PNPT1: variants seen among roughly 807,000 people sequenced by gnomAD.
PNPT1 encodes the protein polyribonucleotide nucleotidyltransferase 1, also known as polyribonucleotide nucleotidyltransferase 1, mitochondrial.
Under a neutral mutation model 119.5 loss-of-function variants are expected in PNPT1, and 53 were observed. That is an observed-to-expected ratio of 0.44 (90% CI 0.36 to 0.56). The LOEUF (loss-of-function observed/expected upper bound fraction) is 0.56, where lower values mean the gene tolerates loss of function less well. Among genes scored for constraint, PNPT1 ranks in the 20% least tolerant of loss-of-function variants. The probability of loss-of-function intolerance (pLI) is 0.00; values close to 1 mark genes in which losing one functional copy is unlikely to be tolerated. For missense variants in PNPT1, 948 were observed against 938.5 expected, an observed-to-expected ratio of 1.01 and a Z score of -0.13; for synonymous variants, 357 against 322.1, an observed-to-expected ratio of 1.11 and a Z score of -1.16.
At chr2:55,670,369 G>C (rs1328457219) in intron 11 of PNPT1, among the ~76,000 whole-genome samples, 1 of 151,840 alleles carries the variant, frequency 6.6e-6, no homozygotes. Context: ...TGTATTTTTA[G>C]TAGAGACAGG....
Position 55,636,187 on chromosome 2 carries a change from A to T in PNPT1, c.*50T>A. On this transcript the variant is annotated 3_prime_UTR_variant, in exon 28 of 28. Transcript: ENST00000447944. ...TACTACTAAAATGTTGCTCTACAGC[A>T]CATCACCCTAGACAAAATAGAATTC... is the stretch of plus-strand genomic sequence containing the variant. 1 of 1,447,370 alleles carries T rather than the reference A, an allele frequency of 6.9e-7. No homozygotes were observed. Among genetic ancestry groups the T allele is most frequent in the Non-Finnish European group, 9.5e-7 (1 of 1,050,088 alleles). 89.7% of individuals were successfully genotyped at this position (1,447,370 alleles called of 1,614,324 possible).
intron 11 of PNPT1, among the ~76,000 whole-genome samples, 159 bp downstream of exon 11, chr2:55,671,160 G>A (rs753346765): frequency 6.6e-6 from 1 of 152,150 alleles, no homozygotes; most frequent in Non-Finnish European, 1.5e-5. Context: ...TAGGTCTAGG[G>A]AACAGCAGCT....
At chr2:55,693,461 CAG>C (rs1697686742) in intron 1 of PNPT1, among the ~76,000 whole-genome samples, 200 bp downstream of exon 1, 1 of 152,154 alleles carries the variant, frequency 6.6e-6, no homozygotes, top group South Asian at 2.1e-4. Flanking sequence ...CACACACCAA[CAG>C]AGAGAACGAC....
At chr2:55,681,632 G>A (rs1172647512) in intron 5 of PNPT1, among the ~76,000 whole-genome samples, 1 of 151,432 alleles carries the variant, frequency 6.6e-6, no homozygotes, top group Non-Finnish European at 1.5e-5. Flanking sequence ...ATCACTTGAG[G>A]TCGGGAGTTC....
intron 1 of PNPT1, among the ~76,000 whole-genome samples, chr2:55,688,177 G>C (rs1474577279): frequency 1.3e-5 from 2 of 151,902 alleles, no homozygotes; most frequent in Admixed American, 1.3e-4. Context: ...TGAGTAGTTG[G>C]GACTACATGT....
chr2:55,691,878 A>ATT (rs1227966046), intron 1 of PNPT1, among the ~76,000 whole-genome samples: 42 of 33,124 alleles, frequency 1.3e-3, no homozygotes, highest in East Asian at 0.011. Context: ...ATATATATAT[A>ATT]TTTTTTTTTT....
chr2:55,693,014 G>C (rs1352901310), intron 1 of PNPT1, among the ~76,000 whole-genome samples: 2 of 151,580 alleles, frequency 1.3e-5, no homozygotes, highest in East Asian at 1.9e-4. Context: ...TTTTTTTGCT[G>C]TCTCTTTCTG....
chr2:55,645,021 A>ATT, intron 22 of PNPT1: 3 of 285,136 alleles, frequency 1.1e-5, no homozygotes, highest in Admixed American at 4.8e-5. Flanking sequence ...TGATCACTAA[A>ATT]ATTTTTTTTT....
At chr2:55,683,242 C>G (rs1697302120) in intron 5 of PNPT1, among the ~76,000 whole-genome samples, 1 of 152,206 alleles carries the variant, frequency 6.6e-6, no homozygotes, top group African/African-American at 2.4e-5. Flanking sequence ...GCTTCCCTGA[C>G]ACACCTTGGT....
At chr2:55,669,871 G>A (rs193137538) in intron 11 of PNPT1, among the ~76,000 whole-genome samples, 508 of 150,786 alleles carry the variant, frequency 3.4e-3, no homozygotes, top group African/African-American at 0.012. Flanking sequence ...TGATTCTCAT[G>A]CCTCAGCCTC....
At position 55,651,081 on chromosome 2, in the gene PNPT1, A is replaced by G. The variant is rs1339138309; in HGVS notation, c.1496-3628T>C. ...CGTCCAGGAGGGAGGTGGGGGGGTCAGCCCCCCCGCCCAGCCAGCCGCCCC... is the reference window on the plus strand; with the variant it reads ...CGTCCAGGAGGGAGGTGGGGGGGTCGGCCCCCCCGCCCAGCCAGCCGCCCC... On this transcript the variant is annotated intron_variant, in intron 18 of 27. Coordinates refer to ENST00000447944, the MANE Select transcript of PNPT1 (RefSeq NM_033109.5). Among the ~76,000 whole-genome samples the G allele has an allele frequency of 3.6e-5, 5 of 138,080 alleles. 1 individual carries two copies. The highest frequency in any genetic ancestry group is 5.5e-5 in the African/African-American group (2 of 36,574). The allele number at this position is 138,080 out of a possible 152,430, so 90.6% of individuals were successfully genotyped here.
intron 5 of PNPT1, among the ~76,000 whole-genome samples, chr2:55,682,856 G>C (rs782615): frequency 0.94 from 142,398 of 152,252 alleles, 67,170 homozygotes; most frequent in African/African-American, 0.98. Flanking sequence ...CTGCAGTGAG[G>C]CATAATCATG....
intron 5 of PNPT1, among the ~76,000 whole-genome samples, chr2:55,681,701 C>T (rs1199604061): frequency 1.3e-5 from 2 of 151,786 alleles, no homozygotes; most frequent in Non-Finnish European, 2.9e-5. Flanking sequence ...AAAAATTAGC[C>T]GTGCGTGGTA....
intron 27 of PNPT1, 40 bp from the exon 28 acceptor site, chr2:55,636,432 C>G (rs1695676642): frequency 6.3e-7 from 1 of 1,591,192 alleles, no homozygotes; most frequent in African/African-American, 1.3e-5. Flanking sequence ...AGTTACAGCA[C>G]ATTGAGTGAC....
At chr2:55,675,470 AC>A (rs1475004179) in intron 8 of PNPT1, among the ~76,000 whole-genome samples, 1 of 151,808 alleles carries the variant, frequency 6.6e-6, no homozygotes, top group Admixed American at 6.6e-5. Context: ...AAAAATGGAT[AC>A]CCCCCAAATA....
At chr2:55,667,681 A>G (rs1013762249) in intron 12 of PNPT1, among the ~76,000 whole-genome samples, 181 bp downstream of exon 12, 1 of 152,190 alleles carries the variant, frequency 6.6e-6, no homozygotes, top group Non-Finnish European at 1.5e-5. Context: ...CACCAGGCCC[A>G]AGACAGATGG....
chr2:55,643,347 T>C lies in PNPT1; in HGVS notation c.1985A>G (p.Asp662Gly). ...PTPSAMHEAR[D>G]FITEICKDDQ... is the part of the protein sequence containing the mutation. ...ATCCTTGCAGATTTCAGTAATGAAGTCTCTTGCCTCATGCATAGCACTGGG... is the reference window on the plus strand; with the variant it reads ...ATCCTTGCAGATTTCAGTAATGAAGCCTCTTGCCTCATGCATAGCACTGGG... The change falls in exon 24 of 28, where the codon GAC (aspartate) becomes GGC (glycine). Residue 662 changes from aspartate to glycine, a missense_variant. Asp to Gly is a moderately conservative substitution (Grantham distance 94). Transcript: ENST00000447944. 1 of 1,614,192 alleles carries C rather than the reference T, an allele frequency of 6.2e-7. No homozygotes were observed. The highest frequency in any genetic ancestry group is 8.5e-7 in the Non-Finnish European group (1 of 1,180,024).
At chr2:55,650,749 G>C (rs997616487) in intron 18 of PNPT1, among the ~76,000 whole-genome samples, 3 of 148,814 alleles carry the variant, frequency 2.0e-5, no homozygotes, top group South Asian at 2.1e-4. Context: ...CCCTCCGCCC[G>C]GCAACCGCCC....
intron 11 of PNPT1, among the ~76,000 whole-genome samples, chr2:55,668,297 C>T (rs545673697): frequency 3.9e-5 from 6 of 152,170 alleles, no homozygotes; most frequent in East Asian, 1.9e-4. Context: ...AGTGCAACGC[C>T]GCAATCTTGG....
Sources: gnomAD v4.1 joint callset for allele counts (sites outside exome capture counted in the v4.1 genomes callset) on GRCh38, gnomAD v4.1.1 for gene constraint, MANE v1.5 for transcripts, NCBI Gene and HGNC (gene_info 2026-07-23, HGNC 2026-07-21) for gene names.